Variants in HAS3 observed in about 807,000 individuals in gnomAD.
The protein encoded by HAS3 is hyaluronan synthase 3.
In HAS3, 27 loss-of-function variants were observed where a neutral mutation model predicts 50.3. That is an observed-to-expected ratio of 0.54 (90% CI 0.40 to 0.74). The LOEUF (loss-of-function observed/expected upper bound fraction) is 0.74. Among genes scored for constraint, HAS3 ranks in the 30% least tolerant of loss-of-function variants. The probability of loss-of-function intolerance (pLI) is 0.00; values close to 1 mark genes in which losing one functional copy is unlikely to be tolerated. For missense variants in HAS3, 517 were observed against 742.8 expected (o/e 0.70, Z 3.53); for synonymous variants, 339 against 310.9 (o/e 1.09, Z -0.95).
At chr16:69,112,721 G>T (rs118130811) in intron 2 of HAS3, among the ~76,000 whole-genome samples, 1 of 152,210 alleles carries the variant, frequency 6.6e-6, no homozygotes, top group African/African-American at 2.4e-5. Context: ...CTAGTGGCCT[G>T]GGTTCAACTC....
the HAS3 span, chr16:69,083,565 C>G: frequency 6.2e-7 from 1 of 1,609,674 alleles, no homozygotes; most frequent in South Asian, 1.1e-5. Flanking sequence ...TGGCCAAGCT[C>G]CATGCCCAGT....
the HAS3 span, among the ~76,000 whole-genome samples, chr16:69,096,534 CAAAAAAAAAAAAA>C: frequency 5.7e-3 from 201 of 35,328 alleles, 11 homozygotes; most frequent in South Asian, 0.25. Flanking sequence ...GACTCTGTCT[CAAAAAAAAAAAAA>C]AAAAAAAAAA....
At chr16:69,095,376 C>G in the HAS3 span, among the ~76,000 whole-genome samples, 2 of 152,200 alleles carry the variant, frequency 1.3e-5, no homozygotes, top group South Asian at 4.2e-4. Flanking sequence ...ACTCTTCTTA[C>G]GTGCTCTAGA....
chr16:69,090,040 T>C, the HAS3 span, among the ~76,000 whole-genome samples: 1 of 152,196 alleles, frequency 6.6e-6, no homozygotes, highest in East Asian at 1.9e-4. Flanking sequence ...AGGAGCCTGT[T>C]TACTACATCG....
rs553259923 is a variant in HAS3 at position 69,107,273 on chromosome 16, G to T, written c.-1+1486G>T. On this transcript the variant is annotated intron_variant, in intron 1 of 3. Coordinates refer to ENST00000569188, the MANE Select transcript of HAS3 (RefSeq NM_001199280.2). This position sits in a 1 kb window ranked among gnomAD's most constrained non-coding sequence, Gnocchi z 5.5. ...TGGGGGCCTCTATTTGGGGGTGGGG[G>T]TAGTAACCTGGGTAATGCCTCTAAT... is the stretch of plus-strand genomic sequence containing the variant. 6.4e-6 allele frequency: 6 copies of T among 936,882 alleles called. No individual in the cohort carries two copies. The highest frequency in any genetic ancestry group is 5.4e-4 in the Middle Eastern group (1 of 1,838). The allele number at this position is 936,882 out of a possible 1,614,324, so 58.0% of individuals were successfully genotyped here.
Position 69,115,751 on chromosome 16 carries a change from A to G in HAS3, c.*485A>G, listed in dbSNP as rs1225518420. ...CCCACCCCACCCCTAAGTAGTCATCAATGCAATAAGATTGCGCCTGAGATA... is the reference window on the plus strand; with the variant it reads ...CCCACCCCACCCCTAAGTAGTCATCGATGCAATAAGATTGCGCCTGAGATA... On this transcript the variant is annotated 3_prime_UTR_variant, in exon 4 of 4. Coordinates refer to ENST00000569188, the MANE Select transcript of HAS3 (RefSeq NM_001199280.2). 9.1e-6 allele frequency: 9 copies of G among 986,742 alleles called. No homozygotes were observed. Among genetic ancestry groups the G allele is most frequent in the Non-Finnish European group, 1.1e-5 (9 of 830,870 alleles). The allele number at this position is 986,742 out of a possible 1,614,324, so 61.1% of individuals were successfully genotyped here. A position where few individuals can be genotyped will look rare whatever the true frequency, so the allele number is the denominator to read the frequency against.
rs1281452626 is a variant in HAS3, at chr16:69,116,072, T to C, written c.*806T>C. On this transcript the variant is annotated 3_prime_UTR_variant, in exon 4 of 4. Coordinates refer to ENST00000569188, the MANE Select transcript of HAS3 (RefSeq NM_001199280.2). ...TTGTCTGTGATCTCTGCTGGGGAGA[T>C]AAAAAGATTAAGCCCCAACATGTTC... The C allele has an allele frequency of 2.0e-6, 2 of 985,478 alleles. No individual in the cohort carries two copies. The highest frequency in any genetic ancestry group is 2.4e-6 in the Non-Finnish European group (2 of 829,868). The allele number at this position is 985,478 out of a possible 1,614,324, so 61.0% of individuals were successfully genotyped here.
the HAS3 span, among the ~76,000 whole-genome samples, chr16:69,092,555 C>T: frequency 6.8e-6 from 1 of 146,140 alleles, no homozygotes; most frequent in Non-Finnish European, 1.5e-5. Context: ...GAGCCAAGAT[C>T]GTGCCACTGC....
chr16:69,087,311 G>A, the HAS3 span, among the ~76,000 whole-genome samples: 4,810 of 152,280 alleles, frequency 0.032, 246 homozygotes, highest in African/African-American at 0.11. Context: ...TGTGGCTACA[G>A]CCAAACCCCA....
the HAS3 span, chr16:69,083,554 G>C: frequency 6.2e-7 from 1 of 1,611,294 alleles, no homozygotes; most frequent in Non-Finnish European, 8.5e-7. Context: ...GCCCGATGAC[G>C]TGGCCAAGCT....
chr16:69,116,989 C>G lies in HAS3; in HGVS notation c.*1723C>G. 3 of 985,444 alleles carry G rather than the reference C, an allele frequency of 3.0e-6. No homozygotes were observed. Among genetic ancestry groups the G allele is most frequent in the Non-Finnish European group, 3.6e-6 (3 of 829,952 alleles). The allele number at this position is 985,444 out of a possible 1,614,324, so 61.0% of individuals were successfully genotyped here. On this transcript the variant is annotated 3_prime_UTR_variant, in exon 4 of 4. Transcript: ENST00000569188. The stretch of plus-strand genomic sequence containing the variant: ...GGCAAACCCTGGTGCTTTCCTTCAT[C>G]TCCCACGAACTCAAGGGTTTTCCAG...
At chr16:69,110,705 T>C (rs539839857) in intron 2 of HAS3, among the ~76,000 whole-genome samples, 1 of 152,290 alleles carries the variant, frequency 6.6e-6, no homozygotes, top group East Asian at 1.9e-4. Context: ...CCATTGCTAG[T>C]AGGGTGCAGA....
chr16:69,104,675 C>T (rs991181815), upstream of HAS3, among the ~76,000 whole-genome samples: 1 of 152,074 alleles, frequency 6.6e-6, no homozygotes, highest in Admixed American at 6.6e-5. Flanking sequence ...AACTCCTGGC[C>T]TCAAGCGATC....
At chr16:69,113,106 C>G (rs981659492) in intron 2 of HAS3, among the ~76,000 whole-genome samples, 1 of 152,200 alleles carries the variant, frequency 6.6e-6, no homozygotes, top group African/African-American at 2.4e-5. Flanking sequence ...TGCCTGCCAT[C>G]TGATTTCAGT....
chr16:69,090,987 T>C, the HAS3 span, among the ~76,000 whole-genome samples: 1 of 152,118 alleles, frequency 6.6e-6, no homozygotes, highest in East Asian at 1.9e-4. Context: ...ACATGACCAG[T>C]AAGGAGTAGC....
At chr16:69,102,017 C>T (rs1356613562), upstream of HAS3, among the ~76,000 whole-genome samples, 1 of 152,188 alleles carries the variant, frequency 6.6e-6, no homozygotes, top group Non-Finnish European at 1.5e-5. Context: ...AACTCCTGAC[C>T]TCGTGATCCA....
chr16:69,115,892 T>C lies in HAS3; in HGVS notation c.*626T>C. The C allele has an allele frequency of 1.0e-6, 1 of 985,718 alleles. No homozygotes were observed. The highest frequency in any genetic ancestry group is 1.2e-6 in the Non-Finnish European group (1 of 829,912). 61.1% of individuals were successfully genotyped at this position (985,718 alleles called of 1,614,324 possible). On this transcript the variant is annotated 3_prime_UTR_variant, in exon 4 of 4. Coordinates refer to ENST00000569188, the MANE Select transcript of HAS3 (RefSeq NM_001199280.2). ...AGGGATGAGCCAAACCAGCAGGGAG[T>C]TAGCACTGAACTGCTTTTAAAAGTG...
chr16:69,085,435 T>G, the HAS3 span, among the ~76,000 whole-genome samples: 1 of 152,134 alleles, frequency 6.6e-6, no homozygotes, highest in East Asian at 1.9e-4. Context: ...CATCTGTTCT[T>G]TATTGATTTT....
At chr16:69,108,892 A>T (rs1236652459) in intron 1 of HAS3, among the ~76,000 whole-genome samples, 1 of 152,038 alleles carries the variant, frequency 6.6e-6, no homozygotes, top group African/African-American at 2.4e-5. Flanking sequence ...GCTGCACTTT[A>T]CTGGTGAATA....
Sources: allele counts gnomAD v4.1 joint callset (sites outside exome capture counted in the v4.1 genomes callset), GRCh38; gene constraint gnomAD v4.1.1; non-coding constraint Gnocchi (gnomAD v3.1); transcripts MANE v1.5; gene names NCBI Gene and HGNC (gene_info 2026-07-23, HGNC 2026-07-21).